The following CDH13 variants were observed in gnomAD, a reference collection of about 807,000 sequenced individuals.
CDH13 encodes cadherin 13.
CDH13 carries 24 observed loss-of-function variants against 63.8 expected under a neutral mutation model. That is an observed-to-expected ratio of 0.38 (90% CI 0.27 to 0.53). CDH13 has a LOEUF of 0.53. CDH13 is among the 20% of genes least tolerant of loss of function. The probability of loss-of-function intolerance (pLI) is 0.85; values close to 1 mark genes in which losing one functional copy is unlikely to be tolerated. For synonymous variants in CDH13, 503 were observed against 355.3 expected, an observed-to-expected ratio of 1.42 and a Z score of -4.67; for missense variants, 1,049 against 903.1, an observed-to-expected ratio of 1.16 and a Z score of -2.07.
rs568217166 is a variant in CDH13, at chr16:82,644,331, C to T, written c.45+17194C>T. Among the ~76,000 whole-genome samples the T allele has an allele frequency of 1.4e-4, 22 of 152,216 alleles. No homozygotes were observed. The highest frequency in any genetic ancestry group is 3.4e-3 in the Middle Eastern group (1 of 294). On this transcript the variant is annotated intron_variant, in intron 1 of 13. Transcript: ENST00000567109. The surrounding 1 kb of genome is among the most constrained non-coding windows in gnomAD (Gnocchi z 5.7). ...CAAGGCCCCCCGAACTCCTCCCACC[C>T]CTGCCTTCTGCGTCTCCCTCTGTGC...
intron 11 of CDH13, among the ~76,000 whole-genome samples, chr16:83,778,486 C>T (rs896810639): frequency 2.7e-5 from 4 of 150,804 alleles, no homozygotes; most frequent in Non-Finnish European, 4.4e-5. Context: ...GCCGAGACCA[C>T]ACCACTGCAC....
intron 8 of CDH13, among the ~76,000 whole-genome samples, chr16:83,625,190 A>C (rs950466137): frequency 6.6e-6 from 1 of 151,140 alleles, no homozygotes; most frequent in Non-Finnish European, 1.5e-5. Context: ...GTGTGTGCTC[A>C]TGTGTGTGTG....
At chr16:83,667,524 C>T (rs1914104808) in intron 8 of CDH13, among the ~76,000 whole-genome samples, 2 of 152,258 alleles carry the variant, frequency 1.3e-5, no homozygotes, top group Middle Eastern at 3.4e-3. Context: ...ATGTGTTGGG[C>T]ACTGTGCTGT....
At chr16:83,253,010 G>A (rs1289540446) in intron 5 of CDH13, among the ~76,000 whole-genome samples, 1 of 152,118 alleles carries the variant, frequency 6.6e-6, no homozygotes, top group Non-Finnish European at 1.5e-5. Context: ...GGTACTAAGA[G>A]AATTGAGGTA....
chr16:83,511,119 C>T (rs1252982285), intron 7 of CDH13, among the ~76,000 whole-genome samples: 1 of 138,450 alleles, frequency 7.2e-6, no homozygotes, highest in Non-Finnish European at 1.6e-5. Flanking sequence ...CATGCACACA[C>T]ATGCACATGT....
intron 1 of CDH13, among the ~76,000 whole-genome samples, chr16:82,818,691 C>A (rs4782733): frequency 0.64 from 96,604 of 151,968 alleles, 31,110 homozygotes; most frequent in East Asian, 0.93. Context: ...CGGGCATTTT[C>A]CAAAAAAAAG....
intron 2 of CDH13, among the ~76,000 whole-genome samples, chr16:82,871,177 G>A (rs2040331449): frequency 6.6e-6 from 1 of 152,200 alleles, no homozygotes; most frequent in Admixed American, 6.5e-5. Context: ...ACATGGGCTG[G>A]CTGGTGTTGA....
chr16:82,786,119 G>T (rs145768440), intron 1 of CDH13, among the ~76,000 whole-genome samples: 1,585 of 152,202 alleles, frequency 0.01, 27 homozygotes, highest in African/African-American at 0.036. Context: ...ATGAGTTAGG[G>T]TGGAGCAGGT....
intron 6 of CDH13, among the ~76,000 whole-genome samples, chr16:83,388,692 C>T (rs1437279391): frequency 6.6e-6 from 1 of 152,122 alleles, no homozygotes. Context: ...ATTGTAAAGC[C>T]ATATATTTCC....
chr16:83,303,734 AG>A (rs1294700086), intron 5 of CDH13, among the ~76,000 whole-genome samples: 4 of 152,164 alleles, frequency 2.6e-5, no homozygotes, highest in Non-Finnish European at 4.4e-5. Flanking sequence ...AGAAACCTTG[AG>A]GCTACTGCTT....
chr16:82,962,740 A>C lies in CDH13; in HGVS notation c.158-69270A>C, dbSNP rs140606977. On this transcript the variant is annotated intron_variant, in intron 2 of 13. Coordinates refer to ENST00000567109, the MANE Select transcript of CDH13 (RefSeq NM_001257.5). ...TTTCTGAAAACTGGTTGTTTCATTA[A>C]ATTTTTTGGTTTTTCAGATCTCAAG... Among the ~76,000 whole-genome samples the C allele has an allele frequency of 3.3e-5, 5 of 152,286 alleles. No homozygotes were observed. In the East Asian group the frequency reaches 9.6e-4, roughly 29 times the overall value.
intron 1 of CDH13, among the ~76,000 whole-genome samples, chr16:82,838,445 C>T (rs1278301337): frequency 1.3e-5 from 2 of 152,096 alleles, no homozygotes; most frequent in Admixed American, 6.5e-5. Context: ...ACAAATGAAG[C>T]CCCCACACCC....
chr16:83,409,131 G>T (rs4415998), intron 6 of CDH13, among the ~76,000 whole-genome samples: 15 of 151,920 alleles, frequency 9.9e-5, no homozygotes, highest in Non-Finnish European at 2.1e-4. Flanking sequence ...AGACAGGGGA[G>T]GGAAGGCAGC....
chr16:83,633,391 G>T (rs936429671), intron 8 of CDH13, among the ~76,000 whole-genome samples: 2 of 152,174 alleles, frequency 1.3e-5, no homozygotes, highest in East Asian at 1.9e-4. Context: ...TGACCTCACC[G>T]TAGAAGAGCA....
intron 8 of CDH13, among the ~76,000 whole-genome samples, chr16:83,635,108 A>G (rs536215521): frequency 5.0e-4 from 76 of 152,204 alleles, no homozygotes; most frequent in African/African-American, 1.8e-3. Flanking sequence ...CATTATAACC[A>G]TTCTGTTCAG....
chr16:82,760,242 A>G (rs532020827), intron 1 of CDH13, among the ~76,000 whole-genome samples: 26 of 152,302 alleles, frequency 1.7e-4, no homozygotes, highest in African/African-American at 5.8e-4. Flanking sequence ...GAGGGGGTAG[A>G]AGGAACATAG....
chr16:82,747,746 G>T (rs1382249509), intron 1 of CDH13, among the ~76,000 whole-genome samples: 1 of 152,336 alleles, frequency 6.6e-6, no homozygotes, highest in Non-Finnish European at 1.5e-5. Context: ...TACTTTTTAA[G>T]TGTCTGCATA....
chr16:83,312,351 G>A (rs533576283), intron 5 of CDH13, among the ~76,000 whole-genome samples: 1 of 152,266 alleles, frequency 6.6e-6, no homozygotes, highest in East Asian at 1.9e-4. Flanking sequence ...GATGGACACT[G>A]GCCATATTTT....
At chr16:83,297,804 C>A (rs180980873) in intron 5 of CDH13, among the ~76,000 whole-genome samples, 1 of 151,986 alleles carries the variant, frequency 6.6e-6, no homozygotes, top group Non-Finnish European at 1.5e-5. Context: ...GTAGACTAAT[C>A]GAAGGACATT....
Sources: allele counts gnomAD v4.1 joint callset (sites outside exome capture counted in the v4.1 genomes callset), GRCh38; gene constraint gnomAD v4.1.1; non-coding constraint Gnocchi (gnomAD v3.1); transcripts MANE v1.5; gene names NCBI Gene and HGNC (gene_info 2026-07-23, HGNC 2026-07-21).